The following IL1RAPL2 variants were observed in gnomAD, a reference collection of about 807,000 sequenced individuals.
IL1RAPL2 encodes the protein X-linked interleukin-1 receptor accessory protein-like 2.
Under a neutral mutation model 44.1 loss-of-function variants are expected in IL1RAPL2, and 3 were observed. That is an observed-to-expected ratio of 0.07 (90% CI 0.03 to 0.18). The LOEUF (loss-of-function observed/expected upper bound fraction) is 0.18. Ranked by LOEUF, IL1RAPL2 falls within the 10% of genes least tolerant of loss-of-function variation. The pLI is 1.00. For missense variants in IL1RAPL2, 391 were observed against 496.4 expected (o/e 0.79, Z 2.02); for synonymous variants, 181 against 178.8 (o/e 1.01, Z -0.10).
chrX:105,603,563 G>A (rs1426824618), intron 6 of IL1RAPL2, among the ~76,000 whole-genome samples: 2 of 111,136 alleles, frequency 1.8e-5, no homozygotes, highest in Non-Finnish European at 1.9e-5. Context: ...TAAAGAGAGA[G>A]GCAGAACCCA....
chrX:105,423,580 A>T lies in IL1RAPL2; in HGVS notation c.698-60733A>T, dbSNP rs184194973. On this transcript the variant is annotated intron_variant, in intron 5 of 10. Transcript: ENST00000372582. The stretch of plus-strand genomic sequence containing the variant: ...TCTGATGGGAGAAAGAATGGAACAA[A>T]CAACAACAACAACAAAAACCCAACA... 4.5e-3 allele frequency among the ~76,000 whole-genome samples: 506 copies of T among 111,451 alleles called. 1 individual carries two copies. The highest frequency in any genetic ancestry group is 6.4e-3 in the Non-Finnish European group (338 of 53,036).
At chrX:104,798,262 C>T (rs1308293363) in intron 2 of IL1RAPL2, among the ~76,000 whole-genome samples, 2 of 110,879 alleles carry the variant, frequency 1.8e-5, no homozygotes, top group South Asian at 3.8e-4. Flanking sequence ...CCACCTGCAT[C>T]GCCAGAGTCA....
chrX:105,673,979 G>A (rs1263926722), intron 6 of IL1RAPL2, among the ~76,000 whole-genome samples: 3 of 111,620 alleles, frequency 2.7e-5, no homozygotes, highest in Non-Finnish European at 5.6e-5. Context: ...TTTGAGAAGT[G>A]TCTGTTCATG....
intron 5 of IL1RAPL2, among the ~76,000 whole-genome samples, chrX:105,301,036 TA>T (rs1375130036): frequency 1.8e-5 from 2 of 111,546 alleles, no homozygotes; most frequent in African/African-American, 6.5e-5. Flanking sequence ...TGTAGACAAA[TA>T]AGAAAAACTC....
intron 2 of IL1RAPL2, among the ~76,000 whole-genome samples, chrX:105,054,471 A>G (rs1164848499): frequency 1.8e-5 from 2 of 111,911 alleles, no homozygotes; most frequent in Non-Finnish European, 3.8e-5. Flanking sequence ...TGCTTCCTTA[A>G]GACAGAATCT....
intron 5 of IL1RAPL2, among the ~76,000 whole-genome samples, chrX:105,471,823 C>A (rs1317211280): frequency 9.0e-6 from 1 of 111,671 alleles, no homozygotes; most frequent in Non-Finnish European, 1.9e-5. Context: ...CAGGTAATAA[C>A]CCCCACAAGA....
At chrX:104,950,556 G>A (rs894160288) in intron 2 of IL1RAPL2, among the ~76,000 whole-genome samples, 1 of 112,506 alleles carries the variant, frequency 8.9e-6, no homozygotes, top group East Asian at 2.8e-4. Context: ...AGTGACGGGC[G>A]CCCCTCCCCC....
At chrX:105,175,142 G>A (rs2033461002) in intron 2 of IL1RAPL2, among the ~76,000 whole-genome samples, 1 of 111,343 alleles carries the variant, frequency 9.0e-6, no homozygotes, top group Admixed American at 9.6e-5. Flanking sequence ...TTAAGAAACT[G>A]TACTATTATT....
At chrX:105,184,245 G>T (rs1459963980) in intron 2 of IL1RAPL2, among the ~76,000 whole-genome samples, 1 of 111,496 alleles carries the variant, frequency 9.0e-6, no homozygotes, top group Non-Finnish European at 1.9e-5. Flanking sequence ...TCTTTGAAGT[G>T]TAATTATGTA....
At chrX:105,429,913 T>C (rs1450937894) in intron 5 of IL1RAPL2, among the ~76,000 whole-genome samples, 2 of 111,542 alleles carry the variant, frequency 1.8e-5, no homozygotes, top group Non-Finnish European at 3.8e-5. Flanking sequence ...TTTTTCTTTT[T>C]GTATCTGGTT....
intron 5 of IL1RAPL2, among the ~76,000 whole-genome samples, chrX:105,447,422 AATAT>A (rs1230532080): frequency 2.8e-5 from 2 of 72,358 alleles, no homozygotes; most frequent in South Asian, 8.3e-4. Flanking sequence ...TAAATATATA[AATAT>A]ATATAAATAT....
At chrX:104,881,035 T>C (rs1014890189) in intron 2 of IL1RAPL2, among the ~76,000 whole-genome samples, 7 of 111,909 alleles carry the variant, frequency 6.3e-5, no homozygotes, top group Non-Finnish European at 1.3e-4. Flanking sequence ...AGCAGTTTAA[T>C]ATTTTTTTAA....
chrX:104,722,224 C>A (rs1286763051), intron 2 of IL1RAPL2, among the ~76,000 whole-genome samples: 7 of 110,904 alleles, frequency 6.3e-5, no homozygotes, highest in African/African-American at 2.3e-4. Flanking sequence ...ATGAAAGCAG[C>A]CATGAATGAT....
chrX:105,423,580 A>G (rs184194973), intron 5 of IL1RAPL2, among the ~76,000 whole-genome samples: 1 of 111,402 alleles, frequency 9.0e-6, no homozygotes, highest in Non-Finnish European at 1.9e-5. Context: ...AATGGAACAA[A>G]CAACAACAAC....
At chrX:105,356,139 G>GGTGTGTGTGTAT (rs1268969202) in intron 5 of IL1RAPL2, among the ~76,000 whole-genome samples, 1 of 104,023 alleles carries the variant, frequency 9.6e-6, no homozygotes. Flanking sequence ...ACTGCTGTGG[G>GGTGTGTGTGTAT]GTGTGTGTGT....
intron 2 of IL1RAPL2, among the ~76,000 whole-genome samples, chrX:105,052,622 A>AT (rs2031942410): frequency 9.1e-6 from 1 of 110,114 alleles, no homozygotes; most frequent in South Asian, 3.9e-4. Context: ...CTGGTTTGGT[A>AT]TTTTTTCAGA....
chrX:105,464,819 A>C (rs1251807178), intron 5 of IL1RAPL2, among the ~76,000 whole-genome samples: 1 of 111,243 alleles, frequency 9.0e-6, no homozygotes, highest in African/African-American at 3.3e-5. Context: ...AGCAGGGACC[A>C]GCCCTGGACA....
intron 2 of IL1RAPL2, among the ~76,000 whole-genome samples, chrX:104,723,184 G>A (rs868796649): frequency 1.8e-5 from 2 of 111,224 alleles, no homozygotes; most frequent in Non-Finnish European, 3.8e-5. Flanking sequence ...ATTTAAATGT[G>A]TGTTAATCAA....
At chrX:105,474,589 G>C in intron 5 of IL1RAPL2, among the ~76,000 whole-genome samples, 1 of 111,168 alleles carries the variant, frequency 9.0e-6, no homozygotes, top group African/African-American at 3.3e-5. Context: ...ATACACACTA[G>C]TTGGTAGAGT....
Sources: allele counts gnomAD v4.1 joint callset (sites outside exome capture counted in the v4.1 genomes callset), GRCh38; gene constraint gnomAD v4.1.1; transcripts MANE v1.5; gene names NCBI Gene and HGNC (gene_info 2026-07-23, HGNC 2026-07-21).